CENPE: variants seen among roughly 807,000 people sequenced by gnomAD.
CENPE encodes the protein centromere-associated protein E.
A neutral mutation model predicts 336.1 loss-of-function variants in CENPE; 145 were observed. The ratio of observed to expected loss-of-function variants is 0.43; its 90% CI spans 0.38 to 0.50. The LOEUF is 0.50. Among genes scored for constraint, CENPE ranks in the 20% least tolerant of loss-of-function variants. The probability of loss-of-function intolerance (pLI) is 0.00; values close to 1 mark genes in which losing one functional copy is unlikely to be tolerated. For synonymous variants in CENPE, 1,013 were observed against 984.8 expected, an observed-to-expected ratio of 1.03 and a Z score of -0.54; for missense variants, 2,719 against 3,023.3, an observed-to-expected ratio of 0.90 and a Z score of 2.36.
intron 40 of CENPE, among the ~76,000 whole-genome samples, chr4:103,135,501 C>T (rs570309659): frequency 5.3e-5 from 8 of 152,302 alleles, no homozygotes; most frequent in Non-Finnish European, 7.4e-5. Context: ...TCAATTATTT[C>T]GACCTACTAT....
rs1001355096 is a variant in CENPE at position 103,105,895 on chromosome 4, G to A, written c.*327C>T. The A allele has an allele frequency of 1.2e-5, 2 of 169,742 alleles. No homozygotes were observed. Among genetic ancestry groups the A allele is most frequent in the Non-Finnish European group, 2.5e-5 (2 of 79,924 alleles). 10.5% of individuals were successfully genotyped at this position (169,742 alleles called of 1,614,324 possible). A position where few individuals can be genotyped will look rare whatever the true frequency, so the allele number is the denominator to read the frequency against. On this transcript the variant is annotated 3_prime_UTR_variant, in exon 49 of 49. Transcript: ENST00000265148. ...TAATAAAATGATGTTTTATATTAAT[G>A]TATGTATTATGCTTTGGAATATGCT...
chr4:103,161,247 T>C lies in CENPE; in HGVS notation c.1970A>G (p.Glu657Gly), dbSNP rs754780745. The C allele has an allele frequency of 6.2e-7, 1 of 1,607,768 alleles. No individual in the cohort carries two copies. Among genetic ancestry groups the C allele is most frequent in the South Asian group, 1.1e-5 (1 of 89,614 alleles). ...CATTTGCTTGTATGTAGTTGCAAGT[T>C]CTTTCTATTGAGAAAAACATTGCAA... The part of the protein sequence containing the change: ...ENLELKEKMK[E>G]LATTYKQMEN... Residue 657 changes from glutamate to glycine, a missense_variant, in exon 20 of 49, where the codon GAA (glutamate) becomes GGA (glycine). By Grantham distance (98) the Glu-to-Gly change is moderately conservative (BLOSUM62 -2). Transcript: ENST00000265148.
At position 103,186,332 on chromosome 4, in the gene CENPE, TCCTCAGCATAG is replaced by T. The variant is rs371734752; in HGVS notation, c.694-482_694-472del. On this transcript the variant is annotated intron_variant, in intron 8 of 48. Coordinates refer to ENST00000265148, the MANE Select transcript of CENPE (RefSeq NM_001813.3). The stretch of plus-strand genomic sequence containing the variant: ...TCAAGAACCAGGCACAAAGATTATC[TCCTCAGCATAG>T]CTTTGCCTACTTTATCCTTCCTCCC... Among the ~76,000 whole-genome samples, 248 of 152,334 alleles carry T rather than the reference TCCTCAGCATAG, an allele frequency of 1.6e-3. 2 individuals carry two copies. The highest frequency in any genetic ancestry group is 5.6e-3 in the African/African-American group (232 of 41,578).
intron 40 of CENPE, among the ~76,000 whole-genome samples, chr4:103,134,494 C>T (rs953497353): frequency 6.6e-5 from 10 of 151,740 alleles, no homozygotes; most frequent in Non-Finnish European, 1.2e-4. Context: ...ATTAGCTGGG[C>T]GTGGTGGCAG....
intron 16 of CENPE, among the ~76,000 whole-genome samples, chr4:103,169,233 T>C (rs1173593997): frequency 1.4e-5 from 2 of 146,570 alleles, no homozygotes; most frequent in South Asian, 2.1e-4. Flanking sequence ...TATTTTAAAA[T>C]ATAGAGTCAG....
Position 103,139,902 on chromosome 4 carries a change from G to C in CENPE, c.6091C>G (p.Leu2031Val). ...FQLTKKLHESLEEIRIVAKER... is the reference protein window; with the variant it reads ...FQLTKKLHESVEEIRIVAKER... ...TTAGCTACAATTCTTATTTCTTCAA[G>C]GCTTTCATGAAGTTTCTTAGTCAAC... The change falls in exon 38 of 49, where the codon CTT (leucine) becomes GTT (valine). Residue 2031 changes from leucine to valine, a missense_variant. Leu to Val is a conservative substitution (Grantham distance 32). Transcript: ENST00000265148. 6.2e-7 allele frequency: 1 copy of C among 1,613,226 alleles called. No individual in the cohort carries two copies. Among genetic ancestry groups the C allele is most frequent in the Non-Finnish European group, 8.5e-7 (1 of 1,179,610 alleles).
At chr4:103,173,197 C>A (rs566179747) in intron 16 of CENPE, among the ~76,000 whole-genome samples, 1 of 152,006 alleles carries the variant, frequency 6.6e-6, no homozygotes, top group Admixed American at 6.6e-5. Context: ...GGAAATAAAT[C>A]CATGCATATA....
At position 103,130,034 on chromosome 4, in the gene CENPE, T is replaced by C. The variant is rs190271826; in HGVS notation, c.6924+2659A>G. On this transcript the variant is annotated intron_variant, in intron 42 of 48. Coordinates refer to ENST00000265148, the MANE Select transcript of CENPE (RefSeq NM_001813.3). ...CCTCTACAACTTGATAAAGAATGTCTACAAAAAACTACAGCTAACATCATA... is the reference window on the plus strand; with the variant it reads ...CCTCTACAACTTGATAAAGAATGTCCACAAAAAACTACAGCTAACATCATA... Among the ~76,000 whole-genome samples the C allele has an allele frequency of 1.4e-3, 206 of 152,286 alleles. 6 individuals carry two copies. In the East Asian group the frequency reaches 0.035, roughly 26 times the overall value.
Position 103,143,284 on chromosome 4 carries a change from C to T in CENPE, c.5268G>A (p.Lys1756=). 6.2e-7 allele frequency: 1 copy of T among 1,606,698 alleles called. No individual in the cohort carries two copies. The highest frequency in any genetic ancestry group is 1.3e-5 in the African/African-American group (1 of 74,672). ...EKTNEISNMQ[K]DLEHSNDALK... is the part of the protein sequence containing the mutation. ...AGGCATCATTTGAGTGTTCTAAGTC[C>T]TTTTGCATATTTGATATTTCATTTG... Residue 1756 remains lysine (K), a synonymous_variant, in exon 34 of 49, where the codon AAG becomes AAA. Transcript: ENST00000265148.
intron 42 of CENPE, among the ~76,000 whole-genome samples, chr4:103,123,528 A>G (rs1750831991): frequency 1.3e-5 from 2 of 152,178 alleles, no homozygotes; most frequent in African/African-American, 4.8e-5. Context: ...TTCTCAACTT[A>G]ATAAGAAAAA....
chr4:103,183,418 C>T, intron 9 of CENPE, 130 bp from the exon 10 acceptor site: 1 of 621,696 alleles, frequency 1.6e-6, no homozygotes, highest in East Asian at 3.0e-5. Flanking sequence ...TAGACATGAG[C>T]CCATCTTTAA....
At chr4:103,136,847 A>G in intron 39 of CENPE, among the ~76,000 whole-genome samples, 1 of 152,182 alleles carries the variant, frequency 6.6e-6, no homozygotes, top group East Asian at 1.9e-4. Flanking sequence ...CTATCTGCCT[A>G]CAATCTGTTT....
chr4:103,172,415 A>G (rs2125999782), intron 16 of CENPE, among the ~76,000 whole-genome samples: 1 of 152,006 alleles, frequency 6.6e-6, no homozygotes, highest in East Asian at 1.9e-4. Flanking sequence ...CTTCATGATA[A>G]AAACTCTTAA....
rs199800413 is a variant in CENPE at position 103,140,971 on chromosome 4, A to C, written c.5597T>G (p.Leu1866Ter). 2 of 1,612,204 alleles carry C rather than the reference A, an allele frequency of 1.2e-6. No individual in the cohort carries two copies. The highest frequency in any genetic ancestry group is 2.7e-5 in the African/African-American group (2 of 74,836). ...AGCCAAATTTAAATTCTCTATTTCT[A>C]ATTTACTCAGAGTTAAGCTTTGGTC... ...IKDQSLTLSK[L>*]EIENLNLAQK... The change falls in exon 36 of 49, where the codon TTA becomes TGA. Residue 1866 changes from leucine to a stop codon, truncating the protein, a stop_gained. Coordinates refer to ENST00000265148, the MANE Select transcript of CENPE (RefSeq NM_001813.3). LOFTEE classifies it high-confidence loss of function.
chr4:103,129,347 AGAAACG>A (rs1560606144), intron 42 of CENPE, among the ~76,000 whole-genome samples: 1 of 152,198 alleles, frequency 6.6e-6, no homozygotes, highest in Non-Finnish European at 1.5e-5. Flanking sequence ...TCTAGAAGAT[AGAAACG>A]GAAACTCATT....
rs550417098 is a variant in CENPE at position 103,113,128 on chromosome 4, G to A, written c.7540+1327C>T. Among the ~76,000 whole-genome samples, 260 of 58,174 alleles carry A rather than the reference G, an allele frequency of 4.5e-3. 3 individuals are homozygous for A. Among genetic ancestry groups the A allele is most frequent in the African/African-American group, 0.015 (242 of 16,680 alleles). 38.2% of individuals were successfully genotyped at this position (58,174 alleles called of 152,430 possible). On this transcript the variant is annotated intron_variant, in intron 46 of 48. Coordinates refer to ENST00000265148, the MANE Select transcript of CENPE (RefSeq NM_001813.3). Reference sequence around the variant, plus strand: ...TATATATATACTTATAAGTATATGTGTATATATACTTATAAGTATATAAGT... The same window carrying A: ...TATATATATACTTATAAGTATATGTATATATATACTTATAAGTATATAAGT...
At chr4:103,194,557 GAT>G (rs1757600103) in intron 6 of CENPE, 44 bp downstream of exon 6, 1 of 1,520,994 alleles carries the variant, frequency 6.6e-7, no homozygotes, top group African/African-American at 1.4e-5. Flanking sequence ...TGATTGAAAA[GAT>G]AGTTTTTACA....
chr4:103,147,563 C>T lies in CENPE; in HGVS notation c.3927G>A (p.Glu1309=). The T allele has an allele frequency of 1.2e-6, 2 of 1,613,980 alleles. No homozygotes were observed. Among genetic ancestry groups the T allele is most frequent in the Non-Finnish European group, 8.5e-7 (1 of 1,180,004 alleles). The change falls in exon 29 of 49, where the codon GAG becomes GAA. Residue 1309 remains glutamate, a synonymous_variant. Transcript: ENST00000265148. ...TGGTTGTGGACTGTTCTGTTAATAA[C>T]TCCAGTTCATTCATTGTTTCCTGAG... ...SETQETMNEL[E]LLTEQSTTKD...
chr4:103,164,109 G>A (rs1343232869), intron 16 of CENPE, among the ~76,000 whole-genome samples: 1 of 152,084 alleles, frequency 6.6e-6, no homozygotes, highest in African/African-American at 2.4e-5. Context: ...TGCTACACAG[G>A]TATGGAATGA....
Sources: gnomAD v4.1 joint callset for allele counts (sites outside exome capture counted in the v4.1 genomes callset) on GRCh38, gnomAD v4.1.1 for gene constraint, MANE v1.5 for transcripts, NCBI Gene and HGNC (gene_info 2026-07-23, HGNC 2026-07-21) for gene names.